Variants in RADIL observed in about 807,000 individuals in gnomAD.
RADIL encodes the protein ras-associating and dilute domain-containing protein.
A neutral mutation model predicts 97.6 loss-of-function variants in RADIL; 99 were observed. The observed-to-expected ratio is 1.01, with a 90% CI of 0.86 to 1.20. RADIL has a LOEUF of 1.20. Ranked by LOEUF, RADIL falls within the 50% of genes most tolerant of loss-of-function variation. The pLI, the probability that RADIL is intolerant of heterozygous loss-of-function variation, is 0.00. For missense variants in RADIL, 1,765 were observed against 1,498.9 expected (o/e 1.18, Z -2.93); for synonymous variants, 803 against 691.8 (o/e 1.16, Z -2.52).
At chr7:4,871,974 CCT>C (rs1201332087) in intron 2 of RADIL, among the ~76,000 whole-genome samples, 1 of 152,182 alleles carries the variant, frequency 6.6e-6, no homozygotes, top group Non-Finnish European at 1.5e-5. Context: ...CGGTGATGTC[CCT>C]GTCTCCAGGA....
rs1178997807 is a variant in RADIL at position 4,840,598 on chromosome 7, C to T, written c.536-3993G>A. Among the ~76,000 whole-genome samples the T allele has an allele frequency of 6.6e-6, 1 of 152,142 alleles. No homozygotes were observed. Among genetic ancestry groups the T allele is most frequent in the Non-Finnish European group, 1.5e-5 (1 of 68,020 alleles). On this transcript the variant is annotated intron_variant, in intron 2 of 14. Transcript: ENST00000399583. The surrounding 1 kb of genome is among the most constrained non-coding windows in gnomAD (Gnocchi z 5.6). ...GTGCTCTTTGCCAAGAACAGGGTCA[C>T]CCCAGGGGCCCTTATGCTACCAATG...
chr7:4,819,081 T>G lies in RADIL; in HGVS notation c.1616-1730A>C, dbSNP rs1443399700. On this transcript the variant is annotated intron_variant, in intron 6 of 14. Transcript: ENST00000399583. The surrounding 1 kb of genome is among the most constrained non-coding windows in gnomAD (Gnocchi z 5.8). ...CTCTCTCTCTCTCTCTCTTTTTTTT[T>G]TTTTTTTAAAGACAGAGTCTCACTC... 1.3e-5 allele frequency among the ~76,000 whole-genome samples: 2 copies of G among 150,066 alleles called. No homozygotes were observed. The highest frequency in any genetic ancestry group is 1.3e-4 in the Admixed American group (2 of 15,146).
chr7:4,834,913 C>T lies in RADIL; in HGVS notation c.1110G>A (p.Ala370=), dbSNP rs1388430431. The change falls in exon 4 of 15, where the codon GCG becomes GCA. Residue 370 remains alanine, a synonymous_variant. Transcript: ENST00000399583. The surrounding 1 kb of genome is among the most constrained non-coding windows in gnomAD (Gnocchi z 6.0). Reference sequence around the variant, plus strand: ...AGCTCTGCGGCACAGCCCGGAGGCGCGCCAAGGCCCGGGCGGGCAGGGGCT... The same window carrying T: ...AGCTCTGCGGCACAGCCCGGAGGCGTGCCAAGGCCCGGGCGGGCAGGGGCT... The part of the protein sequence containing the change: ...QAQPLPARAL[A]RLRAVPQSCR... 11 of 1,542,730 alleles carry T rather than the reference C, an allele frequency of 7.1e-6. No homozygotes were observed. Among genetic ancestry groups the T allele is most frequent in the African/African-American group, 5.5e-5 (4 of 73,346 alleles).
At position 4,877,698 on chromosome 7, in the gene RADIL, T is replaced by G. The variant is rs770857523; in HGVS notation, c.442A>C (p.Lys148Gln). 1 of 1,614,148 alleles carries G rather than the reference T, an allele frequency of 6.2e-7. No homozygotes were observed. Among genetic ancestry groups the G allele is most frequent in the Non-Finnish European group, 8.5e-7 (1 of 1,180,024 alleles). The change falls in exon 2 of 15, where the codon AAA becomes CAA. Residue 148 changes from lysine (K) to glutamine (Q), a missense_variant. By Grantham distance (53) the Lys-to-Gln change is moderately conservative. Transcript: ENST00000399583. ...CTCCGGGATAAACCTTCTCGGGGTT[T>G]CCATAATTCCTGGATCAAGAGGGGC... is the stretch of plus-strand genomic sequence containing the variant. The part of the protein sequence containing the change: ...EKPLLIQELW[K>Q]PREGLSRRFE...
Position 4,817,563 on chromosome 7 carries a change from G to A in RADIL, c.1616-212C>T, listed in dbSNP as rs1045065473. On this transcript the variant is annotated intron_variant, in intron 6 of 14. Coordinates refer to ENST00000399583, the MANE Select transcript of RADIL (RefSeq NM_018059.5). The surrounding 1 kb of genome is among the most constrained non-coding windows in gnomAD (Gnocchi z 8.3). ...ACTCTTACCTGGGGAGGGGAATGCCGGGAGGGGCAGGAGGGGTCCAGACAC... is the reference window on the plus strand; with the variant it reads ...ACTCTTACCTGGGGAGGGGAATGCCAGGAGGGGCAGGAGGGGTCCAGACAC... Among the ~76,000 whole-genome samples, 5 of 152,110 alleles carry A rather than the reference G, an allele frequency of 3.3e-5. No homozygotes were observed. Among genetic ancestry groups the A allele is most frequent in the African/African-American group, 9.7e-5 (4 of 41,412 alleles).
In RADIL at chr7:4,872,939, G is replaced by A. The variant is rs76791004; in HGVS notation, c.535+4666C>T. Reference sequence around the variant, plus strand: ...CGTTAGCCCAACCCAGAACCAATGTGACTCTGTTTTTCTTTTGAGTCAGAG... The same window carrying A: ...CGTTAGCCCAACCCAGAACCAATGTAACTCTGTTTTTCTTTTGAGTCAGAG... On this transcript the variant is annotated intron_variant, in intron 2 of 14. Transcript: ENST00000399583. This position sits in a 1 kb window ranked among gnomAD's most constrained non-coding sequence, Gnocchi z 5.8. 4.4e-3 allele frequency among the ~76,000 whole-genome samples: 673 copies of A among 152,196 alleles called. 1 individual carries two copies. The highest frequency in any genetic ancestry group is 0.012 in the African/African-American group (492 of 41,510).
Position 4,819,731 on chromosome 7 carries a change from G to A in RADIL, c.1616-2380C>T, listed in dbSNP as rs1782777628. On this transcript the variant is annotated intron_variant, in intron 6 of 14. Transcript: ENST00000399583. This position sits in a 1 kb window ranked among gnomAD's most constrained non-coding sequence, Gnocchi z 5.8. ...CACAGACATTTCCTGCAGAGGGTCG[G>A]GAGGCTGACGGGGCTCTGCCCCTCC... 6.6e-6 allele frequency among the ~76,000 whole-genome samples: 1 copy of A among 152,206 alleles called. No homozygotes were observed.
rs1038030901 is a variant in RADIL, at chr7:4,813,644, G to A, written c.2139+1634C>T. 6.6e-6 allele frequency among the ~76,000 whole-genome samples: 1 copy of A among 152,172 alleles called. No homozygotes were observed. The highest frequency in any genetic ancestry group is 1.5e-5 in the Non-Finnish European group (1 of 68,050). The stretch of plus-strand genomic sequence containing the variant: ...CTCCCAGGACAGCAAATGTCCCCAG[G>A]GAAAAGCAACAGGAACTTCAGTCAG... On this transcript the variant is annotated intron_variant, in intron 9 of 14. Transcript: ENST00000399583. This position sits in a 1 kb window ranked among gnomAD's most constrained non-coding sequence, Gnocchi z 5.0.
At chr7:4,830,170 A>T (rs1181870135) in intron 5 of RADIL, among the ~76,000 whole-genome samples, 1 of 152,176 alleles carries the variant, frequency 6.6e-6, no homozygotes, top group Non-Finnish European at 1.5e-5. Context: ...TATCACAGAC[A>T]CTGTGCTAGG....
At chr7:4,861,879 TGATCCGCTGAGGCG>T in intron 2 of RADIL, 1 of 542,104 alleles carries the variant, frequency 1.8e-6, no homozygotes, top group Non-Finnish European at 2.5e-6. Flanking sequence ...GCCCGGGTCA[TGATCCGCTGAGGCG>T]GAAGGGCAGG....
chr7:4,817,881 C>T lies in RADIL; in HGVS notation c.1616-530G>A, dbSNP rs1347048699. Among the ~76,000 whole-genome samples the T allele has an allele frequency of 1.3e-5, 2 of 152,182 alleles. No individual in the cohort carries two copies. Among genetic ancestry groups the T allele is most frequent in the African/African-American group, 4.8e-5 (2 of 41,454 alleles). On this transcript the variant is annotated intron_variant, in intron 6 of 14. Transcript: ENST00000399583. This position sits in a 1 kb window ranked among gnomAD's most constrained non-coding sequence, Gnocchi z 8.3. ...AGCTGAGGCTGGGGGGAGCTGCCCA[C>T]GGAGTGGTTCCTGCCGTCTGGGTGG...
At chr7:4,874,240 G>A (rs1240458493) in intron 2 of RADIL, among the ~76,000 whole-genome samples, 2 of 152,260 alleles carry the variant, frequency 1.3e-5, no homozygotes, top group African/African-American at 4.8e-5. Flanking sequence ...AGGTACCCAT[G>A]TGTCACCACA....
Position 4,816,452 on chromosome 7 carries a change from C to CAGAT in RADIL, c.1738_1741dup (p.Cys581TyrfsTer18), listed in dbSNP as rs757176539. ...CGGGCACTCCAGGAGTGCCGGGAGGCAGATGTACAGGGACTGGCGGGGGCA... is the reference window on the plus strand; with the variant it reads ...CGGGCACTCCAGGAGTGCCGGGAGGCAGATAGATGTACAGGGACTGGCGGGGGCA... On this transcript the variant is annotated frameshift_variant, in exon 8 of 15. Coordinates refer to ENST00000399583, the MANE Select transcript of RADIL (RefSeq NM_018059.5). LOFTEE classifies it high-confidence loss of function. The CAGAT allele has an allele frequency of 1.9e-6, 3 of 1,606,936 alleles. No homozygotes were observed. Among genetic ancestry groups the CAGAT allele is most frequent in the Non-Finnish European group, 2.5e-6 (3 of 1,177,238 alleles).
chr7:4,811,032 G>C (rs542964494), intron 9 of RADIL, among the ~76,000 whole-genome samples: 2 of 151,996 alleles, frequency 1.3e-5, no homozygotes, highest in East Asian at 3.9e-4. Context: ...AGCTACTCAA[G>C]AGGCCGAGGC....
rs986180597 is a variant in RADIL at position 4,811,714 on chromosome 7, C to T, written c.2139+3564G>A. On this transcript the variant is annotated intron_variant, in intron 9 of 14. Coordinates refer to ENST00000399583, the MANE Select transcript of RADIL (RefSeq NM_018059.5). ...TTGTTAGCTAGGATGGTCTCGATCT[C>T]CTGACCTCGTGATCCACCCAACTCG... Among the ~76,000 whole-genome samples, 6 of 151,976 alleles carry T rather than the reference C, an allele frequency of 3.9e-5. No individual in the cohort carries two copies. In the East Asian group the frequency reaches 9.7e-4, roughly 25 times the overall value.
chr7:4,853,974 A>G (rs2115024045), intron 2 of RADIL, among the ~76,000 whole-genome samples: 1 of 152,320 alleles, frequency 6.6e-6, no homozygotes, highest in African/African-American at 2.4e-5. Flanking sequence ...CCATGTGACT[A>G]CGGTGCAGTC....
In RADIL at chr7:4,801,835, C is replaced by A. The variant is rs575822093; in HGVS notation, c.2660G>T (p.Arg887Leu). The change falls in exon 12 of 15, where the codon CGT (arginine) becomes CTT (leucine). Residue 887 changes from arginine (R) to leucine (L), a missense_variant. Physicochemically the swap from Arg to Leu is moderately radical, Grantham distance 102. Coordinates refer to ENST00000399583, the MANE Select transcript of RADIL (RefSeq NM_018059.5). ...AQAPPGRQPS[R>L]GGSQAGPPHT... is the part of the protein sequence containing the mutation. ...CGGGGGGCCAGCCTGGGAGCCCCCACGGCTGGGTTGCCTTCCAGGGGGGGC... is the reference window on the plus strand; with the variant it reads ...CGGGGGGCCAGCCTGGGAGCCCCCAAGGCTGGGTTGCCTTCCAGGGGGGGC... 1 of 1,603,728 alleles carries A rather than the reference C, an allele frequency of 6.2e-7. No homozygotes were observed. The highest frequency in any genetic ancestry group is 8.5e-7 in the Non-Finnish European group (1 of 1,176,004).
At chr7:4,816,961 G>C (rs960887022) in intron 7 of RADIL, among the ~76,000 whole-genome samples, 1 of 152,170 alleles carries the variant, frequency 6.6e-6, no homozygotes, top group African/African-American at 2.4e-5. Flanking sequence ...CCTCATCCCT[G>C]ACCCTCGAAA....
intron 7 of RADIL, among the ~76,000 whole-genome samples, chr7:4,816,978 C>T (rs1180250372): frequency 1.3e-5 from 2 of 152,164 alleles, no homozygotes; most frequent in East Asian, 1.9e-4. Context: ...GAAATACTGG[C>T]AGGAAGGGGG....
Sources: gnomAD v4.1 joint callset for allele counts (sites outside exome capture counted in the v4.1 genomes callset) on GRCh38, gnomAD v4.1.1 for gene constraint, Gnocchi (gnomAD v3.1) non-coding constraint, MANE v1.5 for transcripts, NCBI Gene and HGNC (gene_info 2026-07-23, HGNC 2026-07-21) for gene names.